The following TNKS variants were observed in gnomAD, a reference collection of about 807,000 sequenced individuals.
TNKS encodes the protein poly [ADP-ribose] polymerase tankyrase-1.
In TNKS, 72 loss-of-function variants were observed where a neutral mutation model predicts 135.8. That is an observed-to-expected ratio of 0.53 (90% CI 0.44 to 0.64). TNKS has a LOEUF of 0.64. Ranked by LOEUF, TNKS falls within the 30% of genes least tolerant of loss-of-function variation. The pLI, the probability that TNKS is intolerant of heterozygous loss-of-function variation, is 0.00. For synonymous variants in TNKS, 849 were observed against 649.3 expected (o/e 1.31, Z -4.68); for missense variants, 1,769 against 1,674.0 (o/e 1.06, Z -0.99).
chr8:9,621,152 G>A (rs1191403146), intron 3 of TNKS, among the ~76,000 whole-genome samples: 1 of 152,138 alleles, frequency 6.6e-6, no homozygotes, highest in East Asian at 1.9e-4. Flanking sequence ...TTTTAAAAAT[G>A]TTTTAATTGG....
chr8:9,680,559 T>G (rs755796759), intron 4 of TNKS, among the ~76,000 whole-genome samples, 166 bp from the exon 5 acceptor site: 1 of 152,156 alleles, frequency 6.6e-6, no homozygotes, highest in Non-Finnish European at 1.5e-5. Context: ...CAGGAATTAA[T>G]TAGAAATATA....
At chr8:9,578,535 T>C (rs1163532116) in intron 1 of TNKS, among the ~76,000 whole-genome samples, 1 of 152,238 alleles carries the variant, frequency 6.6e-6, no homozygotes, top group Admixed American at 6.5e-5. Flanking sequence ...AATACATATC[T>C]GTGGAAATGT....
chr8:9,595,145 G>A (rs190923046), intron 2 of TNKS, among the ~76,000 whole-genome samples: 100 of 150,130 alleles, frequency 6.7e-4, no homozygotes, highest in Admixed American at 1.9e-3. Context: ...TTTTTGAGAC[G>A]GAGTCTTGCT....
chr8:9,634,103 G>C (rs202020831), intron 3 of TNKS, among the ~76,000 whole-genome samples: 1 of 135,626 alleles, frequency 7.4e-6, no homozygotes, highest in Non-Finnish European at 1.6e-5. Flanking sequence ...ATATATATAT[G>C]TATATATATT....
chr8:9,682,232 G>A (rs897167586), intron 5 of TNKS, among the ~76,000 whole-genome samples: 5 of 151,952 alleles, frequency 3.3e-5, no homozygotes, highest in Non-Finnish European at 5.9e-5. Context: ...AGCTTGTTTC[G>A]CCCGGCCTAC....
chr8:9,704,485 A>G (rs1585350902), intron 5 of TNKS, among the ~76,000 whole-genome samples, 178 bp from the exon 6 acceptor site: 1 of 152,238 alleles, frequency 6.6e-6, no homozygotes, highest in Non-Finnish European at 1.5e-5. Context: ...CACTAAAGTT[A>G]GTATTGACTC....
chr8:9,730,013 G>C (rs968716860), intron 13 of TNKS, among the ~76,000 whole-genome samples: 1 of 152,030 alleles, frequency 6.6e-6, no homozygotes, highest in East Asian at 1.9e-4. Flanking sequence ...TTGACCTCGT[G>C]ATCTGCCTGC....
intron 12 of TNKS, 30 bp downstream of exon 12, chr8:9,720,575 T>G (rs963148617): frequency 1.3e-6 from 2 of 1,582,884 alleles, no homozygotes; most frequent in Non-Finnish European, 1.7e-6. Flanking sequence ...CAGGGCATTT[T>G]ATGTTTTCTC....
At chr8:9,611,964 A>G (rs544672727) in intron 2 of TNKS, among the ~76,000 whole-genome samples, 1 of 152,306 alleles carries the variant, frequency 6.6e-6, no homozygotes, top group South Asian at 2.1e-4. Context: ...AAGAGATTCT[A>G]TTTGAAGCAG....
intron 3 of TNKS, among the ~76,000 whole-genome samples, chr8:9,643,586 T>A (rs1047648067): frequency 1.3e-5 from 2 of 152,076 alleles, no homozygotes; most frequent in Non-Finnish European, 2.9e-5. Context: ...GCAGCTACTA[T>A]TAAAAACAAC....
intron 3 of TNKS, among the ~76,000 whole-genome samples, chr8:9,669,948 T>A (rs527892644): frequency 3.9e-5 from 6 of 152,272 alleles, no homozygotes; most frequent in African/African-American, 1.4e-4. Flanking sequence ...GAAAACCAGT[T>A]TGCTTTTTCT....
intron 20 of TNKS, among the ~76,000 whole-genome samples, chr8:9,760,054 C>T (rs1420078937): frequency 6.6e-6 from 1 of 150,728 alleles, no homozygotes. Context: ...AGATATGAGA[C>T]CCTTGGTTTT....
intron 2 of TNKS, among the ~76,000 whole-genome samples, chr8:9,609,128 A>G (rs1331374077): frequency 6.6e-6 from 1 of 152,182 alleles, no homozygotes; most frequent in Non-Finnish European, 1.5e-5. Context: ...TTTATTAAAC[A>G]CAATAAGCAT....
chr8:9,761,693 T>G lies in TNKS; in HGVS notation c.3274+57T>G. On this transcript the variant is annotated intron_variant, in intron 21 of 26. Coordinates refer to ENST00000310430, the MANE Select transcript of TNKS (RefSeq NM_003747.3). Reference sequence around the variant, plus strand: ...GAAATCAGTGGTACAAGGTAAGTATTGGGGCTGATAATTGAACTCAGGCAG... The same window carrying G: ...GAAATCAGTGGTACAAGGTAAGTATGGGGGCTGATAATTGAACTCAGGCAG... The G allele has an allele frequency of 3.9e-6, 6 of 1,552,086 alleles. No homozygotes were observed. The South Asian group carries it at 6.0e-5, about 16-fold the overall frequency.
chr8:9,695,289 A>G (rs1023527797), intron 5 of TNKS, among the ~76,000 whole-genome samples: 3 of 152,172 alleles, frequency 2.0e-5, no homozygotes, highest in African/African-American at 7.2e-5. Context: ...TTTACCTTCC[A>G]TCATTGTTTG....
At chr8:9,744,415 A>C (rs1367653275) in intron 17 of TNKS, among the ~76,000 whole-genome samples, 1 of 152,190 alleles carries the variant, frequency 6.6e-6, no homozygotes, top group Non-Finnish European at 1.5e-5. Context: ...TCATGACATA[A>C]TTGTAATAAA....
chr8:9,609,018 T>C (rs1799342209), intron 2 of TNKS, among the ~76,000 whole-genome samples: 1 of 152,224 alleles, frequency 6.6e-6, no homozygotes, highest in African/African-American at 2.4e-5. Flanking sequence ...ATTTTTTCGT[T>C]ATATTTTTAT....
chr8:9,776,001 T>C (rs952782931), intron 26 of TNKS, among the ~76,000 whole-genome samples: 1 of 150,710 alleles, frequency 6.6e-6, no homozygotes, highest in African/African-American at 2.4e-5. Flanking sequence ...TTTTTCCTGC[T>C]CCCACCAAGA....
intron 5 of TNKS, among the ~76,000 whole-genome samples, chr8:9,701,863 A>G (rs1803820043): frequency 6.6e-6 from 1 of 152,172 alleles, no homozygotes; most frequent in African/African-American, 2.4e-5. Flanking sequence ...GGCCCCTTAC[A>G]GTGTTCAGAT....
Sources: gnomAD v4.1 joint callset for allele counts (sites outside exome capture counted in the v4.1 genomes callset) on GRCh38, gnomAD v4.1.1 for gene constraint, MANE v1.5 for transcripts, NCBI Gene and HGNC (gene_info 2026-07-23, HGNC 2026-07-21) for gene names.